Variants in VIPR2 observed in about 807,000 individuals in gnomAD.
VIPR2 encodes vasoactive intestinal peptide receptor 2, also known as vasoactive intestinal polypeptide receptor 2.
A neutral mutation model predicts 58.0 loss-of-function variants in VIPR2; 48 were observed. The ratio of observed to expected loss-of-function variants is 0.83; its 90% CI spans 0.66 to 1.05. VIPR2 has a LOEUF of 1.05. Ranked by LOEUF, VIPR2 falls within the 50% of genes least tolerant of loss-of-function variation. VIPR2 has a pLI of 0.00. For missense variants in VIPR2, 534 were observed against 558.0 expected (o/e 0.96, Z 0.43); for synonymous variants, 243 against 235.2 (o/e 1.03, Z -0.30).
chr7:159,063,131 C>T (rs1011497352), intron 4 of VIPR2, among the ~76,000 whole-genome samples: 11 of 152,216 alleles, frequency 7.2e-5, no homozygotes, highest in African/African-American at 2.2e-4. Context: ...CCCAGTTTTG[C>T]GCTGCGTGCC....
rs775953609 is a variant in VIPR2, at chr7:159,039,475, C to CA, written c.598-2574dup. On this transcript the variant is annotated intron_variant, in intron 6 of 12. Coordinates refer to ENST00000262178, the MANE Select transcript of VIPR2 (RefSeq NM_003382.5). ...CCTGGAAAACAGAGTGAGTCTGTGTCAAAAAACAAAACAAAACAAAACAAA... is the reference window on the plus strand; with the variant it reads ...CCTGGAAAACAGAGTGAGTCTGTGTCAAAAAAACAAAACAAAACAAAACAAA... 9.3e-5 allele frequency among the ~76,000 whole-genome samples: 14 copies of CA among 151,266 alleles called. No homozygotes were observed. The East Asian group carries it at 1.4e-3, about 15-fold the overall frequency.
At chr7:159,033,714 G>A (rs888799759) in intron 10 of VIPR2, among the ~76,000 whole-genome samples, 1 of 152,140 alleles carries the variant, frequency 6.6e-6, no homozygotes, top group Non-Finnish European at 1.5e-5. Context: ...GCTGGCAGTA[G>A]ACACACGGCC....
At chr7:159,122,473 A>G (rs776346372) in intron 2 of VIPR2, among the ~76,000 whole-genome samples, 3 of 152,222 alleles carry the variant, frequency 2.0e-5, no homozygotes, top group Admixed American at 6.5e-5. Flanking sequence ...TCTCCCAGGA[A>G]GAGACTGAAC....
At chr7:159,071,126 CACAG>C (rs1856366250) in intron 4 of VIPR2, among the ~76,000 whole-genome samples, 1 of 152,224 alleles carries the variant, frequency 6.6e-6, no homozygotes, top group Non-Finnish European at 1.5e-5. Context: ...TTCTGGGTTG[CACAG>C]ACATTCATTC....
intron 10 of VIPR2, 22 bp from the exon 11 acceptor site, chr7:159,032,089 A>T: frequency 6.2e-7 from 1 of 1,613,642 alleles, no homozygotes; most frequent in Non-Finnish European, 8.5e-7. Flanking sequence ...GAGATGAGCC[A>T]GCTCAGCTGC....
rs1208736254 is a variant in VIPR2 at position 159,096,793 on chromosome 7, G to GC, written c.357+6963dup. The GC allele has an allele frequency of 7.0e-7, 1 of 1,425,018 alleles. No homozygotes were observed. Among genetic ancestry groups the GC allele is most frequent in the Non-Finnish European group, 9.2e-7 (1 of 1,083,522 alleles). The allele number at this position is 1,425,018 out of a possible 1,614,324, so 88.3% of individuals were successfully genotyped here. Reference sequence around the variant, plus strand: ...GCCCCTGCCTGAGGTCAGTCTCGTGGCCCCCGCAGCAGCCACAGGCCCAGC... The same window carrying GC: ...GCCCCTGCCTGAGGTCAGTCTCGTGGCCCCCCGCAGCAGCCACAGGCCCAGC... On this transcript the variant is annotated intron_variant, in intron 4 of 12. Coordinates refer to ENST00000262178, the MANE Select transcript of VIPR2 (RefSeq NM_003382.5). The surrounding 1 kb of genome is among the most constrained non-coding windows in gnomAD (Gnocchi z 5.5).
chr7:159,088,660 T>G (rs375495134), intron 4 of VIPR2, among the ~76,000 whole-genome samples: 1 of 152,240 alleles, frequency 6.6e-6, no homozygotes, highest in Non-Finnish European at 1.5e-5. Flanking sequence ...GTAGGATTTC[T>G]TGGAGAAGCC....
chr7:159,101,862 C>A (rs1432426825), intron 4 of VIPR2, among the ~76,000 whole-genome samples: 1 of 101,272 alleles, frequency 9.9e-6, no homozygotes, highest in African/African-American at 3.6e-5. Flanking sequence ...TCCGACGAGG[C>A]GGTTCCCACT....
At chr7:159,071,787 C>T (rs140553521) in intron 4 of VIPR2, among the ~76,000 whole-genome samples, 1,867 of 152,024 alleles carry the variant, frequency 0.012, 30 homozygotes, top group African/African-American at 0.043. Context: ...GATGAAGGCA[C>T]GATGGTACCG....
chr7:159,106,474 AAGGGGCAGAGAGAGGCCGGGG>A (rs1563333503), intron 3 of VIPR2, among the ~76,000 whole-genome samples: 3 of 43,454 alleles, frequency 6.9e-5, no homozygotes, highest in Non-Finnish European at 1.4e-4. Flanking sequence ...AGAGGCCAGG[AAGGGGCAGAGAGAGGCCGGGG>A]AGGGGCAGAG....
At chr7:159,129,138 CTGGGGGGGA>C (rs1563351609) in intron 2 of VIPR2, among the ~76,000 whole-genome samples, 1 of 111,322 alleles carries the variant, frequency 9.0e-6, no homozygotes. Context: ...AAACTGGCCT[CTGGGGGGGA>C]CAGGGCTGGG....
At chr7:159,053,731 A>C (rs1400434576) in intron 5 of VIPR2, among the ~76,000 whole-genome samples, 1 of 152,150 alleles carries the variant, frequency 6.6e-6, no homozygotes, top group Non-Finnish European at 1.5e-5. Context: ...TAGAGACTGT[A>C]GAGATGGGGT....
rs537212120 is a variant in VIPR2, at chr7:159,117,788, G to C, written c.152-7869C>G. On this transcript the variant is annotated intron_variant, in intron 2 of 12. Transcript: ENST00000262178. Reference sequence around the variant, plus strand: ...TGACCAAGTGTCAGCAGGACTTGGAGGAGGGGCATGAGGGCTGAAGCTGCT... The same window carrying C: ...TGACCAAGTGTCAGCAGGACTTGGACGAGGGGCATGAGGGCTGAAGCTGCT... 4.6e-5 allele frequency among the ~76,000 whole-genome samples: 7 copies of C among 152,354 alleles called. No homozygotes were observed. In the South Asian group the frequency reaches 6.2e-4, roughly 14 times the overall value.
chr7:159,053,784 G>A (rs1279591597), intron 5 of VIPR2, among the ~76,000 whole-genome samples: 1 of 152,204 alleles, frequency 6.6e-6, no homozygotes, highest in Non-Finnish European at 1.5e-5. Context: ...CTGAGCACAA[G>A]CAATCATTCT....
At chr7:159,144,065 G>T (rs1797587138) in intron 1 of VIPR2, among the ~76,000 whole-genome samples, 1 of 152,214 alleles carries the variant, frequency 6.6e-6, no homozygotes, top group African/African-American at 2.4e-5. Context: ...CCGCAAACCC[G>T]CTTCAGTCTC....
chr7:159,122,114 T>C (rs565943871), intron 2 of VIPR2, among the ~76,000 whole-genome samples: 3 of 152,316 alleles, frequency 2.0e-5, no homozygotes, highest in African/African-American at 7.2e-5. Flanking sequence ...CGTGGAGTTC[T>C]AGAGGTCACT....
At chr7:159,085,345 G>C (rs560413996) in intron 4 of VIPR2, among the ~76,000 whole-genome samples, 42 of 152,320 alleles carry the variant, frequency 2.8e-4, no homozygotes, top group African/African-American at 9.6e-4. Flanking sequence ...ACCCAGGCTG[G>C]AGTGCAGTGG....
At chr7:159,114,798 G>T (rs1297224343) in intron 2 of VIPR2, among the ~76,000 whole-genome samples, 4 of 104,796 alleles carry the variant, frequency 3.8e-5, no homozygotes, top group Non-Finnish European at 5.5e-5. Context: ...AGGAAAGAAA[G>T]AATAGAAAGA....
chr7:159,107,946 C>T (rs939719208), intron 3 of VIPR2, among the ~76,000 whole-genome samples: 2 of 152,214 alleles, frequency 1.3e-5, no homozygotes, highest in African/African-American at 4.8e-5. Flanking sequence ...CTCCCACCTG[C>T]TGGAAGGATG....
Sources: allele counts gnomAD v4.1 joint callset (sites outside exome capture counted in the v4.1 genomes callset), GRCh38; gene constraint gnomAD v4.1.1; non-coding constraint Gnocchi (gnomAD v3.1); transcripts MANE v1.5; gene names NCBI Gene and HGNC (gene_info 2026-07-23, HGNC 2026-07-21).